Variants in WDR11 observed in about 807,000 individuals in gnomAD.
WDR11 encodes the protein WD repeat domain 11.
A neutral mutation model predicts 151.2 loss-of-function variants in WDR11; 83 were observed. The ratio of observed to expected loss-of-function variants is 0.55; its 90% confidence interval spans 0.46 to 0.66. WDR11 has a LOEUF of 0.66. Among genes scored for constraint, WDR11 ranks in the 30% least tolerant of loss-of-function variants. The probability of loss-of-function intolerance (pLI) is 0.00; values close to 1 mark genes in which losing one functional copy is unlikely to be tolerated. For synonymous variants in WDR11, 484 were observed against 533.1 expected, an observed-to-expected ratio of 0.91 and a Z score of 1.27; for missense variants, 1,301 against 1,480.9, an observed-to-expected ratio of 0.88 and a Z score of 1.99.
intron 2 of WDR11, among the ~76,000 whole-genome samples, chr10:120,857,033 A>G (rs986894227): frequency 2.6e-5 from 4 of 152,136 alleles, no homozygotes; most frequent in Non-Finnish European, 5.9e-5. Context: ...TGATCTATTA[A>G]CATTGAACTC....
intron 2 of WDR11, among the ~76,000 whole-genome samples, chr10:120,854,812 C>G (rs1249430677): frequency 1.3e-5 from 2 of 152,158 alleles, no homozygotes; most frequent in African/African-American, 4.8e-5. Context: ...AATGTCTATG[C>G]AGGTCCTTTG....
At chr10:120,863,127 G>A (rs1184956581) in intron 5 of WDR11, among the ~76,000 whole-genome samples, 1 of 152,146 alleles carries the variant, frequency 6.6e-6, no homozygotes, top group African/African-American at 2.4e-5. Flanking sequence ...TCCACTAGCT[G>A]TGCTAAACTT....
chr10:120,857,358 A>T, intron 2 of WDR11, among the ~76,000 whole-genome samples: 1 of 152,218 alleles, frequency 6.6e-6, no homozygotes, highest in Admixed American at 6.5e-5. Flanking sequence ...AAGCACTGCA[A>T]GTATTGATTT....
chr10:120,865,789 A>C, intron 7 of WDR11, 45 bp downstream of exon 7: 1 of 1,365,232 alleles, frequency 7.3e-7, no homozygotes, highest in South Asian at 1.2e-5. Flanking sequence ...CTTCAAAATT[A>C]TTTTATAAAG....
At chr10:120,874,980 G>A (rs1044676215) in intron 11 of WDR11, among the ~76,000 whole-genome samples, 1 of 149,862 alleles carries the variant, frequency 6.7e-6, no homozygotes, top group Non-Finnish European at 1.5e-5. Flanking sequence ...CTCAATCCCC[G>A]ATAGGCCCCA....
At chr10:120,871,839 G>T (rs1379962901) in intron 10 of WDR11, among the ~76,000 whole-genome samples, 4 of 152,198 alleles carry the variant, frequency 2.6e-5, no homozygotes. Flanking sequence ...GCCTTTTGGT[G>T]TGAAATTGTG....
chr10:120,904,341 T>C (rs1564725322), intron 24 of WDR11, among the ~76,000 whole-genome samples, 199 bp downstream of exon 24: 1 of 152,202 alleles, frequency 6.6e-6, no homozygotes, highest in East Asian at 1.9e-4. Flanking sequence ...CAGCTTGTAA[T>C]TTAGACTTCC....
chr10:120,889,737 G>C (rs1847353411), intron 17 of WDR11, 158 bp from the exon 18 acceptor site: 1 of 669,062 alleles, frequency 1.5e-6, no homozygotes, highest in African/African-American at 1.8e-5. Flanking sequence ...TAAAGGGCAG[G>C]CCCTTTCTGT....
chr10:120,886,676 C>A lies in WDR11; in HGVS notation c.1974-13C>A. ...AAAAAAACATCTTTATCATATGTTT[C>A]ACTATCCCAAAGCTTGCTGCAGGAG... is the stretch of plus-strand genomic sequence containing the variant. On this transcript the variant is annotated splice_polypyrimidine_tract_variant and intron_variant, in intron 15 of 28. Coordinates refer to ENST00000263461, the MANE Select transcript of WDR11 (RefSeq NM_018117.12). The A allele has an allele frequency of 1.2e-6, 2 of 1,612,850 alleles. No individual in the cohort carries two copies. The highest frequency in any genetic ancestry group is 2.2e-5 in the East Asian group (1 of 44,812).
intron 14 of WDR11, among the ~76,000 whole-genome samples, chr10:120,884,281 A>C (rs1721905806): frequency 6.6e-6 from 1 of 152,176 alleles, no homozygotes; most frequent in Non-Finnish European, 1.5e-5. Flanking sequence ...TAAAATCAGT[A>C]TTGTATTGGC....
chr10:120,880,688 T>G, intron 12 of WDR11, 138 bp from the exon 13 acceptor site: 1 of 795,942 alleles, frequency 1.3e-6, no homozygotes, highest in Admixed American at 2.5e-5. Flanking sequence ...CAGAAACAGA[T>G]TAGAAGCAAA....
intron 5 of WDR11, among the ~76,000 whole-genome samples, 178 bp from the exon 6 acceptor site, chr10:120,864,857 ATATTATTAGCAT>A (rs1846259795): frequency 6.6e-6 from 1 of 152,172 alleles, no homozygotes; most frequent in Non-Finnish European, 1.5e-5. Flanking sequence ...ATCCTATACA[ATATTATTAGCAT>A]TTGGATTTTG....
chr10:120,899,633 A>C (rs1847739397), intron 19 of WDR11, among the ~76,000 whole-genome samples: 1 of 152,048 alleles, frequency 6.6e-6, no homozygotes, highest in Non-Finnish European at 1.5e-5. Context: ...AAATGCAAAA[A>C]TTAGCCAGGC....
intron 22 of WDR11, among the ~76,000 whole-genome samples, chr10:120,902,746 T>C (rs971095399): frequency 6.7e-6 from 1 of 149,660 alleles, no homozygotes; most frequent in Non-Finnish European, 1.5e-5. Flanking sequence ...AGGAACTTCT[T>C]CCTAATGTGA....
At chr10:120,880,801 CT>C (rs1564707746) in intron 12 of WDR11, 24 bp from the exon 13 acceptor site, 2 of 1,581,820 alleles carry the variant, frequency 1.3e-6, no homozygotes, top group South Asian at 1.1e-5. Context: ...ACTGTTCTCA[CT>C]TTTTTAAATA....
Position 120,908,622 on chromosome 10 carries a change from G to GAGCAGTTCTCTTTGCTTC in WDR11, c.3586_3603dup (p.Ala1196_Ser1201dup). 6.2e-7 allele frequency: 1 copy of GAGCAGTTCTCTTTGCTTC among 1,614,188 alleles called. No homozygotes were observed. The highest frequency in any genetic ancestry group is 2.2e-5 in the East Asian group (1 of 44,886). Reference sequence around the variant, plus strand: ...TTGAAGAACCTCGGTTTTAAGCAGGGAGCAGTTCTCTTTGCTTCAAAAGCC... The same window carrying GAGCAGTTCTCTTTGCTTC: ...TTGAAGAACCTCGGTTTTAAGCAGGGAGCAGTTCTCTTTGCTTCAGCAGTTCTCTTTGCTTCAAAAGCC... On this transcript the variant is annotated inframe_insertion, in exon 29 of 29. Coordinates refer to ENST00000263461, the MANE Select transcript of WDR11 (RefSeq NM_018117.12).
chr10:120,871,381 C>G, intron 10 of WDR11, 35 bp downstream of exon 10: 2 of 1,589,004 alleles, frequency 1.3e-6, no homozygotes, highest in Non-Finnish European at 1.7e-6. Context: ...TTTTTTAACT[C>G]ACTTTATAAG....
At chr10:120,874,176 G>GTTTTTTTTTTTTTTTTTTTTTT (rs66873217) in intron 11 of WDR11, among the ~76,000 whole-genome samples, 1 of 83,490 alleles carries the variant, frequency 1.2e-5, no homozygotes, top group African/African-American at 4.9e-5. Context: ...GGTTTTTGCA[G>GTTTTTTTTTTTTTTTTTTTTTT]TTTTTTTTTT....
At chr10:120,878,277 A>G in intron 11 of WDR11, 76 bp from the exon 12 acceptor site, 1 of 1,228,354 alleles carries the variant, frequency 8.1e-7, no homozygotes, top group Non-Finnish European at 1.2e-6. Flanking sequence ...TCTTTGGAAA[A>G]CTTATTTTTC....
Sources: gnomAD v4.1 joint callset for allele counts (sites outside exome capture counted in the v4.1 genomes callset) on GRCh38, gnomAD v4.1.1 for gene constraint, MANE v1.5 for transcripts, NCBI Gene and HGNC (gene_info 2026-07-23, HGNC 2026-07-21) for gene names.